PINK1: variants seen among roughly 807,000 people sequenced by gnomAD.
The protein encoded by PINK1 is PTEN induced kinase 1.
PINK1 carries 58 observed loss-of-function variants against 56.0 expected under a neutral mutation model. The ratio of observed to expected loss-of-function variants is 1.04; its 90% CI spans 0.84 to 1.29. The LOEUF is 1.29. Ranked by LOEUF, PINK1 falls within the 50% of genes most tolerant of loss-of-function variation. The probability of loss-of-function intolerance (pLI) is 0.00; values close to 1 mark genes in which losing one functional copy is unlikely to be tolerated. For synonymous variants in PINK1, 354 were observed against 339.3 expected (o/e 1.04, Z -0.48); for missense variants, 745 against 777.9 (o/e 0.96, Z 0.50).
Position 20,633,882 on chromosome 1 carries a change from G to T in PINK1, c.334G>T (p.Glu112Ter). The T allele has an allele frequency of 6.3e-7, 1 of 1,582,602 alleles. No individual in the cohort carries two copies. The change falls in exon 1 of 8, where the codon GAG becomes TAG. Residue 112 changes from glutamate to a stop codon, truncating the protein, a stop_gained. Transcript: ENST00000321556. LOFTEE classifies it high-confidence loss of function. The part of the protein sequence containing the change: ...LAFGLGLGLI[E>*]EKQAESRRAV... ...CTTCGGGCTAGGGCTGGGCCTCATC[G>T]AGGAAAAACAGGCGGAGAGCCGGCG...
At chr1:20,648,277 A>G in intron 5 of PINK1, 2 of 596,240 alleles carry the variant, frequency 3.4e-6, no homozygotes, top group South Asian at 3.7e-5. Context: ...ATTGAGCCAC[A>G]CAGTCCTTTG....
rs3131713 is a variant in PINK1, at chr1:20,645,555, G to A, written c.960-5G>A. The A allele has an allele frequency of 0.87, 1,401,112 of 1,611,824 alleles. 610,277 individuals carry two copies. The highest frequency in any genetic ancestry group is 0.91 in the Middle Eastern group (5,501 of 6,058). Reference sequence around the variant, plus strand: ...TAGCCAGAGGCCCTCTCCCCTCTCCGCCAGCTATCCCTGTACCCTGCGCCA... The same window carrying A: ...TAGCCAGAGGCCCTCTCCCCTCTCCACCAGCTATCCCTGTACCCTGCGCCA... On this transcript the variant is annotated splice_polypyrimidine_tract_variant and splice_region_variant and intron_variant, in intron 4 of 7. Coordinates refer to ENST00000321556, the MANE Select transcript of PINK1 (RefSeq NM_032409.3).
Position 20,649,170 on chromosome 1 carries a change from A to ACT in PINK1, c.1427_1428insCT (p.Glu476AspfsTer8). On this transcript the variant is annotated frameshift_variant, in exon 7 of 8. Transcript: ENST00000321556. LOFTEE classifies it high-confidence loss of function. ...GAGGCTCAGCTACCTGCACTGCCCG[A>ACT]GTCAGTGCCTCCAGACGTGAGACAG... The ACT allele has an allele frequency of 1.2e-6, 2 of 1,614,230 alleles. No homozygotes were observed. The highest frequency in any genetic ancestry group is 1.7e-6 in the Non-Finnish European group (2 of 1,180,042).
chr1:20,649,293 G>A (rs896462758), intron 7 of PINK1, 62 bp downstream of exon 7: 2 of 1,560,604 alleles, frequency 1.3e-6, no homozygotes, highest in Non-Finnish European at 1.8e-6. Flanking sequence ...TCGTTCCAGA[G>A]TGAAGGTCAG....
intron 1 of PINK1, among the ~76,000 whole-genome samples, chr1:20,636,101 A>C (rs2154533583): frequency 6.6e-6 from 1 of 152,150 alleles, no homozygotes; most frequent in South Asian, 2.1e-4. Context: ...CAGGAGTTTG[A>C]GGCTGCAGTG....
intron 1 of PINK1, among the ~76,000 whole-genome samples, chr1:20,634,329 AGCT>A (rs1349499949): frequency 6.6e-6 from 1 of 152,228 alleles, no homozygotes. Flanking sequence ...GAAGTCACAC[AGCT>A]AATAAAATGC....
intron 3 of PINK1, among the ~76,000 whole-genome samples, chr1:20,640,412 GT>G: frequency 6.6e-6 from 1 of 151,944 alleles, no homozygotes; most frequent in Admixed American, 6.6e-5. Context: ...AAAACAAAAA[GT>G]GGTCTGTTGG....
chr1:20,649,440 T>TG (rs1166147519), intron 7 of PINK1: 2 of 590,582 alleles, frequency 3.4e-6, no homozygotes, highest in Admixed American at 6.0e-5. Context: ...TCCTAGCAGT[T>TG]CAACTCCTGT....
At chr1:20,650,399 A>T (rs1401179015) in intron 7 of PINK1, 35 bp from the exon 8 acceptor site, 2 of 1,612,730 alleles carry the variant, frequency 1.2e-6, no homozygotes. Context: ...CTGTGTTAAC[A>T]GATGTTCTAG....
rs1557564850 is a variant in PINK1 at position 20,645,612 on chromosome 1, C to T, written c.1012C>T (p.Leu338Phe). The T allele has an allele frequency of 1.2e-6, 2 of 1,614,150 alleles. No individual in the cohort carries two copies. Among genetic ancestry groups the T allele is most frequent in the Non-Finnish European group, 1.7e-6 (2 of 1,180,028 alleles). The change falls in exon 5 of 8, where the codon CTC becomes TTC. Residue 338 changes from leucine (L) to phenylalanine (F), a missense_variant. Physicochemically the swap from Leu to Phe is conservative, Grantham distance 22. Coordinates refer to ENST00000321556, the MANE Select transcript of PINK1 (RefSeq NM_032409.3). ...YLCVNTPSPR[L>F]AAMMLLQLLE... The stretch of plus-strand genomic sequence containing the variant: ...TTGTGTGAACACACCCAGCCCCCGC[C>T]TCGCCGCCATGATGCTGCTGCAGCT...
chr1:20,645,628 T>C lies in PINK1; in HGVS notation c.1028T>C (p.Leu343Pro). 1 of 1,614,168 alleles carries C rather than the reference T, an allele frequency of 6.2e-7. No homozygotes were observed. The change falls in exon 5 of 8, where the codon CTG (leucine) becomes CCG (proline). Residue 343 changes from leucine (L) to proline (P), a missense_variant. Coordinates refer to ENST00000321556, the MANE Select transcript of PINK1 (RefSeq NM_032409.3). ...AGCCCCCGCCTCGCCGCCATGATGC[T>C]GCTGCAGCTGCTGGAAGGCGTGGAC... ...TPSPRLAAMM[L>P]LQLLEGVDHL...
At chr1:20,647,053 A>ATCTTTTT (rs770141390) in intron 5 of PINK1, among the ~76,000 whole-genome samples, 1 of 91,436 alleles carries the variant, frequency 1.1e-5, no homozygotes, top group Non-Finnish European at 2.1e-5. Flanking sequence ...CTAATTTTTG[A>ATCTTTTT]TTTTTTTTTT....
intron 3 of PINK1, among the ~76,000 whole-genome samples, chr1:20,643,553 A>C (rs189347930): frequency 3.9e-5 from 6 of 152,340 alleles, no homozygotes; most frequent in East Asian, 1.9e-4. Flanking sequence ...ATTGATGAAT[A>C]TCTCTCTCCC....
intron 7 of PINK1, chr1:20,650,041 C>T (rs1420437528): frequency 3.0e-6 from 1 of 329,020 alleles, no homozygotes; most frequent in South Asian, 2.7e-5. Context: ...TCTGCCACTC[C>T]GTTAACTGCT....
rs143992206 is a variant in PINK1 at position 20,645,466 on chromosome 1, C to T, written c.960-94C>T. 626 of 1,383,286 alleles carry T rather than the reference C, an allele frequency of 4.5e-4. 2 individuals carry two copies. In the African/African-American group the frequency reaches 8.5e-3, roughly 19 times the overall value. 85.7% of individuals were successfully genotyped at this position (1,383,286 alleles called of 1,614,324 possible). On this transcript the variant is annotated intron_variant, in intron 4 of 7. Coordinates refer to ENST00000321556, the MANE Select transcript of PINK1 (RefSeq NM_032409.3). ...ATCGTGCTACTGCACTCCAGCTTGG[C>T]GACAGAGTGAGACTCCATCTCAAAA...
At position 20,639,888 on chromosome 1, in the gene PINK1, C is replaced by A. The variant is rs1377469672; in HGVS notation, c.676-4C>A. 6.2e-7 allele frequency: 1 copy of A among 1,610,570 alleles called. No individual in the cohort carries two copies. Among genetic ancestry groups the A allele is most frequent in the East Asian group, 2.2e-5 (1 of 44,740 alleles). On this transcript the variant is annotated splice_polypyrimidine_tract_variant and splice_region_variant and intron_variant, in intron 2 of 7. Transcript: ENST00000321556. ...TAACCCTGGGTTCCTTGTGGGTGTT[C>A]CAGGCAGGTTCCTCCAGCGAAGCCA... is the stretch of plus-strand genomic sequence containing the variant.
chr1:20,634,039 G>A, intron 1 of PINK1, 104 bp downstream of exon 1: 1 of 1,389,246 alleles, frequency 7.2e-7, no homozygotes, highest in East Asian at 2.5e-5. Context: ...GGGGCTCTGA[G>A]CAGATCGAGG....
At chr1:20,644,307 G>A (rs1301433646) in intron 3 of PINK1, among the ~76,000 whole-genome samples, 183 bp from the exon 4 acceptor site, 1 of 152,184 alleles carries the variant, frequency 6.6e-6, no homozygotes, top group African/African-American at 2.4e-5. Context: ...GATGGGTAGG[G>A]GAGTCATCAG....
chr1:20,648,765 C>T, intron 6 of PINK1, 133 bp downstream of exon 6: 2 of 1,474,684 alleles, frequency 1.4e-6, no homozygotes, highest in African/African-American at 1.4e-5. Flanking sequence ...AAGTTCCTTC[C>T]CTGCCACTTT....
Sources: allele counts gnomAD v4.1 joint callset (sites outside exome capture counted in the v4.1 genomes callset), GRCh38; gene constraint gnomAD v4.1.1; transcripts MANE v1.5; gene names NCBI Gene and HGNC (gene_info 2026-07-23, HGNC 2026-07-21).